Variants in NDUFAF2 observed in about 807,000 individuals in gnomAD.
NDUFAF2 encodes NADH:ubiquinone oxidoreductase complex assembly factor 2, also known as NADH dehydrogenase [ubiquinone] 1 alpha subcomplex assembly factor 2.
NDUFAF2 carries 13 observed loss-of-function variants against 22.8 expected under a neutral mutation model. The ratio of observed to expected loss-of-function variants is 0.57; its 90% CI spans 0.37 to 0.91. The LOEUF (loss-of-function observed/expected upper bound fraction) is 0.91, where lower values mean the gene tolerates loss of function less well. Ranked by LOEUF, NDUFAF2 falls within the 40% of genes least tolerant of loss-of-function variation. The pLI, the probability that NDUFAF2 is intolerant of heterozygous loss-of-function variation, is 0.01. For synonymous variants in NDUFAF2, 53 were observed against 64.2 expected, an observed-to-expected ratio of 0.83 and a Z score of 0.84; for missense variants, 162 against 195.2, an observed-to-expected ratio of 0.83 and a Z score of 1.01.
chr5:61,033,789 G>A (rs987155711), intron 1 of NDUFAF2, among the ~76,000 whole-genome samples: 4 of 152,044 alleles, frequency 2.6e-5, no homozygotes, highest in Non-Finnish European at 5.9e-5. Flanking sequence ...CTTAGAAGGA[G>A]TTACAACCTC....
At chr5:61,065,451 A>G (rs1193362163) in intron 1 of NDUFAF2, among the ~76,000 whole-genome samples, 2 of 152,092 alleles carry the variant, frequency 1.3e-5, no homozygotes, top group Admixed American at 6.6e-5. Context: ...CTTCAGTAAA[A>G]TATTAGCAAA....
At chr5:61,142,829 G>A (rs549921325) in intron 3 of NDUFAF2, among the ~76,000 whole-genome samples, 5 of 152,256 alleles carry the variant, frequency 3.3e-5, no homozygotes, top group Admixed American at 3.3e-4. Context: ...GATCTAGCAG[G>A]TGTTCTCTTG....
At chr5:61,037,144 G>A (rs927513576) in intron 1 of NDUFAF2, among the ~76,000 whole-genome samples, 1 of 152,134 alleles carries the variant, frequency 6.6e-6, no homozygotes, top group African/African-American at 2.4e-5. Context: ...AAAATTTAAA[G>A]ATAAGTCTCT....
chr5:61,048,371 T>G (rs1369327934), intron 1 of NDUFAF2, among the ~76,000 whole-genome samples: 1 of 152,202 alleles, frequency 6.6e-6, no homozygotes. Context: ...CTACTCACAT[T>G]AAACTTTAAA....
At chr5:60,968,396 G>C in intron 1 of NDUFAF2, among the ~76,000 whole-genome samples, 1 of 151,002 alleles carries the variant, frequency 6.6e-6, no homozygotes, top group Admixed American at 6.6e-5. Flanking sequence ...AGTTTAGTTT[G>C]TTCTTTTCTA....
At chr5:60,967,030 T>G (rs1302137789) in intron 1 of NDUFAF2, among the ~76,000 whole-genome samples, 1 of 152,080 alleles carries the variant, frequency 6.6e-6, no homozygotes, top group Non-Finnish European at 1.5e-5. Flanking sequence ...TGTCAGTGTT[T>G]TATAATCTTC....
At chr5:61,110,259 T>C (rs548043236) in intron 3 of NDUFAF2, among the ~76,000 whole-genome samples, 33 of 151,970 alleles carry the variant, frequency 2.2e-4, no homozygotes, top group Admixed American at 1.5e-3. Flanking sequence ...ATAGTTTTCT[T>C]TTCTTCTTCT....
In NDUFAF2 at chr5:61,029,650, T is replaced by C. The variant is rs188666458; in HGVS notation, c.128-43475T>C. Among the ~76,000 whole-genome samples the C allele has an allele frequency of 5.4e-3, 825 of 152,272 alleles. 9 individuals are homozygous for C. Among genetic ancestry groups the C allele is most frequent in the African/African-American group, 0.019 (796 of 41,562 alleles). ...TTTAGAGCATTCTGTGCTGCAAGTG[T>C]CTTCACCCCAGAATGCGACGTGCAC... On this transcript the variant is annotated intron_variant, in intron 1 of 3. Transcript: ENST00000296597.
chr5:61,099,391 GA>G (rs1273427096), intron 3 of NDUFAF2, among the ~76,000 whole-genome samples: 3 of 151,192 alleles, frequency 2.0e-5, no homozygotes, highest in Non-Finnish European at 4.4e-5. Context: ...AGCTTTTGTG[GA>G]AAAGTTTGAG....
intron 3 of NDUFAF2, chr5:61,116,864 A>G (rs557958616): frequency 2.0e-5 from 3 of 152,330 alleles, no homozygotes; most frequent in East Asian, 1.9e-4. Context: ...CCCCAAAAAC[A>G]TGAAATACAT....
intron 1 of NDUFAF2, among the ~76,000 whole-genome samples, chr5:61,001,185 A>G (rs536061876): frequency 1.3e-5 from 2 of 152,116 alleles, no homozygotes; most frequent in East Asian, 3.9e-4. Flanking sequence ...TATTTCCCCT[A>G]TCCCACATCC....
At chr5:61,058,690 T>C (rs1460240774) in intron 1 of NDUFAF2, among the ~76,000 whole-genome samples, 1 of 152,024 alleles carries the variant, frequency 6.6e-6, no homozygotes, top group East Asian at 1.9e-4. Context: ...TATTCATTTT[T>C]CTGACATTTT....
chr5:60,960,516 TCAG>T (rs1353789397), intron 1 of NDUFAF2, among the ~76,000 whole-genome samples: 1 of 152,222 alleles, frequency 6.6e-6, no homozygotes, highest in Non-Finnish European at 1.5e-5. Flanking sequence ...ACTACTCAGT[TCAG>T]CAGTTCCTTT....
chr5:60,968,106 G>T (rs1750781260), intron 1 of NDUFAF2, among the ~76,000 whole-genome samples: 1 of 151,518 alleles, frequency 6.6e-6, no homozygotes, highest in African/African-American at 2.4e-5. Flanking sequence ...TTTATTCTAG[G>T]TTATACAATT....
intron 1 of NDUFAF2, among the ~76,000 whole-genome samples, chr5:60,961,003 C>T (rs1267089749): frequency 6.6e-6 from 1 of 152,006 alleles, no homozygotes; most frequent in East Asian, 1.9e-4. Flanking sequence ...CTAAAGCAAC[C>T]TGTTCAAGGA....
intron 1 of NDUFAF2, among the ~76,000 whole-genome samples, chr5:60,993,479 G>A (rs922215315): frequency 2.6e-5 from 4 of 152,234 alleles, no homozygotes; most frequent in South Asian, 4.1e-4. Context: ...AATGAGGTAT[G>A]TGGACAAGTG....
intron 1 of NDUFAF2, among the ~76,000 whole-genome samples, chr5:61,072,420 C>T (rs932799724): frequency 3.9e-5 from 6 of 152,138 alleles, no homozygotes; most frequent in Middle Eastern, 3.4e-3. Context: ...CAATGAATAT[C>T]GATTTTCTTG....
intron 1 of NDUFAF2, among the ~76,000 whole-genome samples, chr5:60,989,588 CT>C (rs1751130927): frequency 6.6e-6 from 1 of 152,274 alleles, no homozygotes; most frequent in Non-Finnish European, 1.5e-5. Flanking sequence ...AGATCATGTC[CT>C]TTTCAGCAAC....
chr5:60,954,802 T>C (rs1401035641), intron 1 of NDUFAF2, among the ~76,000 whole-genome samples: 1 of 152,042 alleles, frequency 6.6e-6, no homozygotes, highest in Non-Finnish European at 1.5e-5. Context: ...TGATAGCTTA[T>C]TGTGGTTTTA....
Sources: allele counts gnomAD v4.1 joint callset (sites outside exome capture counted in the v4.1 genomes callset), GRCh38; gene constraint gnomAD v4.1.1; transcripts MANE v1.5; gene names NCBI Gene and HGNC (gene_info 2026-07-23, HGNC 2026-07-21).